Variants in MOB1B observed in about 807,000 individuals in gnomAD.
MOB1B encodes MOB1 Mps One Binder homolog B.
A neutral mutation model predicts 24.4 loss-of-function variants in MOB1B; 19 were observed. The ratio of observed to expected loss-of-function variants is 0.78; its 90% confidence interval spans 0.54 to 1.14. The LOEUF (loss-of-function observed/expected upper bound fraction) is 1.14. Among genes scored for constraint, MOB1B ranks in the 50% most tolerant of loss-of-function variants. The probability of loss-of-function intolerance (pLI) is 0.00; values close to 1 mark genes in which losing one functional copy is unlikely to be tolerated. For synonymous variants in MOB1B, 76 were observed against 82.1 expected, an observed-to-expected ratio of 0.93 and a Z score of 0.40; for missense variants, 243 against 259.6, an observed-to-expected ratio of 0.94 and a Z score of 0.44.
Position 70,987,082 on chromosome 4 carries a change from G to A in MOB1B, c.*5025G>A, listed in dbSNP as rs947744312. 1 of 151,852 alleles carries A rather than the reference G, an allele frequency of 6.6e-6. No homozygotes were observed. The highest frequency in any genetic ancestry group is 2.4e-5 in the African/African-American group (1 of 41,426). The allele number at this position is 151,852 out of a possible 1,614,324, so 9.4% of individuals were successfully genotyped here. A position where few individuals can be genotyped will look rare whatever the true frequency, so the allele number is the denominator to read the frequency against. On this transcript the variant is annotated 3_prime_UTR_variant, in exon 6 of 6. Coordinates refer to ENST00000309395, the MANE Select transcript of MOB1B (RefSeq NM_173468.4). ...TTTTCCAGCTGTATGTTTTTCCACTGTGCGTGTACACACACACTGGAAAAT... is the reference window on the plus strand; with the variant it reads ...TTTTCCAGCTGTATGTTTTTCCACTATGCGTGTACACACACACTGGAAAAT...
intron 1 of MOB1B, chr4:70,958,585 T>C (rs1738166414): frequency 2.3e-6 from 1 of 442,494 alleles, no homozygotes; most frequent in Admixed American, 2.9e-5. Context: ...AGACTTAGAA[T>C]AGGAGTGAAA....
At chr4:70,953,786 A>G (rs1422826321) in intron 1 of MOB1B, among the ~76,000 whole-genome samples, 1 of 152,128 alleles carries the variant, frequency 6.6e-6, no homozygotes, top group East Asian at 1.9e-4. Context: ...TCTACTGAAG[A>G]TACAAAAATT....
intron 2 of MOB1B, among the ~76,000 whole-genome samples, chr4:70,969,205 C>T (rs886481336): frequency 6.6e-6 from 1 of 152,164 alleles, no homozygotes; most frequent in Non-Finnish European, 1.5e-5. Context: ...GATCATGGCT[C>T]ACTGCAGCCT....
chr4:70,913,717 AT>A (rs1736090615), intron 1 of MOB1B, among the ~76,000 whole-genome samples: 1 of 151,938 alleles, frequency 6.6e-6, no homozygotes, highest in Non-Finnish European at 1.5e-5. Context: ...GGTTATTATT[AT>A]TTTTTGTTAT....
intron 1 of MOB1B, among the ~76,000 whole-genome samples, chr4:70,928,811 C>T (rs1427050540): frequency 6.6e-6 from 1 of 152,126 alleles, no homozygotes; most frequent in East Asian, 1.9e-4. Flanking sequence ...TTGTCTTGAA[C>T]TCCTAGGTTC....
intron 1 of MOB1B, among the ~76,000 whole-genome samples, chr4:70,928,859 A>G (rs1038300155): frequency 1.3e-5 from 2 of 151,722 alleles, no homozygotes; most frequent in African/African-American, 4.8e-5. Context: ...AAATGCCGAT[A>G]TTACTGGCGT....
chr4:70,977,141 A>G (rs1187865584), intron 4 of MOB1B, among the ~76,000 whole-genome samples: 1 of 152,174 alleles, frequency 6.6e-6, no homozygotes, highest in Non-Finnish European at 1.5e-5. Context: ...ATGCTATACT[A>G]TATAGATCTC....
Position 70,969,895 on chromosome 4 carries a change from A to C in MOB1B, c.182-36A>C, listed in dbSNP as rs1182633579. 2.6e-6 allele frequency: 3 copies of C among 1,175,492 alleles called. No individual in the cohort carries two copies. In the Admixed American group the frequency reaches 5.8e-5, roughly 23 times the overall value. The allele number at this position is 1,175,492 out of a possible 1,614,324, so 72.8% of individuals were successfully genotyped here. A position where few individuals can be genotyped will look rare whatever the true frequency, so the allele number is the denominator to read the frequency against. On this transcript the variant is annotated intron_variant, in intron 2 of 5. Transcript: ENST00000309395. ...TTAAAATTTCATTTTAAATTTAGCCATTCTGTTTTACTTACAACTGATACT... is the reference window on the plus strand; with the variant it reads ...TTAAAATTTCATTTTAAATTTAGCCCTTCTGTTTTACTTACAACTGATACT...
chr4:70,916,861 G>T (rs183650539), intron 1 of MOB1B, among the ~76,000 whole-genome samples: 3 of 152,126 alleles, frequency 2.0e-5, no homozygotes, highest in African/African-American at 7.2e-5. Context: ...GAGCCACTGC[G>T]CCTGGCCTAC....
At chr4:70,928,975 T>C (rs1428233128) in intron 1 of MOB1B, among the ~76,000 whole-genome samples, 3 of 152,180 alleles carry the variant, frequency 2.0e-5, no homozygotes, top group African/African-American at 4.8e-5. Context: ...TATTTTCCAA[T>C]GTGCCCTGTA....
intron 1 of MOB1B, among the ~76,000 whole-genome samples, chr4:70,947,000 A>G (rs929752219): frequency 6.6e-6 from 1 of 152,158 alleles, no homozygotes; most frequent in African/African-American, 2.4e-5. Context: ...GGGTGCTTCA[A>G]ATGTAATTTA....
intron 1 of MOB1B, among the ~76,000 whole-genome samples, chr4:70,923,591 T>G (rs1560634797): frequency 6.6e-6 from 1 of 152,170 alleles, no homozygotes; most frequent in African/African-American, 2.4e-5. Flanking sequence ...AGTTTAGTAG[T>G]TATAGTATTA....
chr4:70,979,150 C>G lies in MOB1B; in HGVS notation c.432C>G (p.Phe144Leu), dbSNP rs537448770. ...TAGGTGTCCCGTTCCCAAAGAATTT[C>G]ATGTCTGTGGCAAAAACTATACTCA... ...SKIGVPFPKN[F>L]MSVAKTILKR... Residue 144 changes from phenylalanine to leucine, a missense_variant, in exon 5 of 6, where the codon TTC becomes TTG. By Grantham distance (22) the Phe-to-Leu change is conservative. Coordinates refer to ENST00000309395, the MANE Select transcript of MOB1B (RefSeq NM_173468.4). 34 of 1,613,316 alleles carry G rather than the reference C, an allele frequency of 2.1e-5. No individual in the cohort carries two copies. The South Asian group carries it at 3.5e-4, about 17-fold the overall frequency.
chr4:70,943,101 T>G (rs1737417044), intron 1 of MOB1B, among the ~76,000 whole-genome samples: 1 of 152,210 alleles, frequency 6.6e-6, no homozygotes, highest in Non-Finnish European at 1.5e-5. Flanking sequence ...TTTTAAAACC[T>G]GAAACATTTC....
Position 70,952,676 on chromosome 4 carries a change from A to C in MOB1B, c.15-6198A>C, listed in dbSNP as rs140762140. 1.9e-3 allele frequency among the ~76,000 whole-genome samples: 284 copies of C among 151,558 alleles called. 3 individuals carry two copies. The highest frequency in any genetic ancestry group is 6.5e-3 in the African/African-American group (269 of 41,416). ...AAAAAAAAACAAAACAAAAACAAAA[A>C]AAAAACTTTCTAATGCTTATACCAG... On this transcript the variant is annotated intron_variant, in intron 1 of 5. Transcript: ENST00000309395.
intron 1 of MOB1B, among the ~76,000 whole-genome samples, chr4:70,941,813 A>G (rs911965563): frequency 7.2e-5 from 11 of 152,164 alleles, no homozygotes; most frequent in Admixed American, 7.2e-4. Context: ...CTGAGATCAC[A>G]TGCTTGGTAT....
At chr4:70,924,483 A>G (rs890212325) in intron 1 of MOB1B, among the ~76,000 whole-genome samples, 2 of 150,126 alleles carry the variant, frequency 1.3e-5, no homozygotes, top group African/African-American at 2.4e-5. Flanking sequence ...AGAACCAACT[A>G]TTTTTTTTTT....
intron 1 of MOB1B, among the ~76,000 whole-genome samples, chr4:70,951,847 A>G (rs962218501): frequency 6.6e-6 from 1 of 152,250 alleles, no homozygotes; most frequent in African/African-American, 2.4e-5. Context: ...TGCCTGGGCA[A>G]TAGAGCAAGA....
chr4:70,943,237 T>C (rs1254165453), intron 1 of MOB1B, among the ~76,000 whole-genome samples: 1 of 152,194 alleles, frequency 6.6e-6, no homozygotes, highest in East Asian at 1.9e-4. Context: ...TTCCATTAGC[T>C]AAATGGGGTG....
Sources: allele counts gnomAD v4.1 joint callset (sites outside exome capture counted in the v4.1 genomes callset), GRCh38; gene constraint gnomAD v4.1.1; transcripts MANE v1.5; gene names NCBI Gene and HGNC (gene_info 2026-07-23, HGNC 2026-07-21).